MICU1: variants seen among roughly 807,000 people sequenced by gnomAD.
MICU1 encodes the protein mitochondrial calcium uptake 1.
In MICU1, 45 loss-of-function variants were observed where a neutral mutation model predicts 56.8. That is an observed-to-expected ratio of 0.79 (90% confidence interval 0.62 to 1.02). MICU1 has a LOEUF of 1.02. Among genes scored for constraint, MICU1 ranks in the 50% least tolerant of loss-of-function variants. MICU1 has a pLI of 0.00. For missense variants in MICU1, 504 were observed against 587.1 expected (o/e 0.86, Z 1.46); for synonymous variants, 186 against 195.1 (o/e 0.95, Z 0.39).
At chr10:72,539,624 A>C (rs1426510733) in intron 4 of MICU1, among the ~76,000 whole-genome samples, 1 of 152,126 alleles carries the variant, frequency 6.6e-6, no homozygotes, top group African/African-American at 2.4e-5. Flanking sequence ...TAAACACTAC[A>C]CTGAAAAAGA....
chr10:72,506,519 T>A (rs1237134355), intron 6 of MICU1, among the ~76,000 whole-genome samples: 4 of 152,220 alleles, frequency 2.6e-5, no homozygotes, highest in Admixed American at 2.6e-4. Context: ...CCCACCAATT[T>A]GGGTCATTTT....
chr10:72,455,738 C>T (rs1049257850), intron 8 of MICU1, among the ~76,000 whole-genome samples: 27 of 152,036 alleles, frequency 1.8e-4, no homozygotes, highest in African/African-American at 6.3e-4. Flanking sequence ...ACATTTAAAA[C>T]GTCCAATACT....
Position 72,377,917 on chromosome 10 carries a change from C to T in MICU1, c.1181-2045G>A, listed in dbSNP as rs140480579. On this transcript the variant is annotated intron_variant, in intron 10 of 11. Coordinates refer to ENST00000361114, the MANE Select transcript of MICU1 (RefSeq NM_001195518.2). ...ATCACCTCCATATATTTACCCGATA[C>T]GGTTTAGATTTGTGCCCCCACCCAA... 3.9e-3 allele frequency among the ~76,000 whole-genome samples: 598 copies of T among 152,248 alleles called. 2 individuals are homozygous for T. The highest frequency in any genetic ancestry group is 0.014 in the African/African-American group (562 of 41,534).
chr10:72,535,039 A>ATTTTATTTTATTTTTTTTAT (rs367546666), intron 4 of MICU1, among the ~76,000 whole-genome samples: 1 of 123,112 alleles, frequency 8.1e-6, no homozygotes, highest in Non-Finnish European at 1.6e-5. Context: ...TATTTTATTT[A>ATTTTATTTTATTTTTTTTAT]TTTATTTTGA....
Position 72,569,220 on chromosome 10 carries a change from TATATATATATATATATA to T in MICU1, c.-1-2443_-1-2427del, listed in dbSNP as rs1564939673. Among the ~76,000 whole-genome samples, 21 of 40,980 alleles carry T rather than the reference TATATATATATATATATA, an allele frequency of 5.1e-4. 1 individual carries two copies. The South Asian group carries it at 0.014, about 27-fold the overall frequency. The allele number at this position is 40,980 out of a possible 152,430, so 26.9% of individuals were successfully genotyped here. On this transcript the variant is annotated intron_variant, in intron 1 of 11. Coordinates refer to ENST00000361114, the MANE Select transcript of MICU1 (RefSeq NM_001195518.2). ...TCATATATATGCATATATATATATA[TATATATATATATATATA>T]TTTTTTTTTTTTTTTGAGATGGCGT...
At chr10:72,488,153 A>G (rs1402026987) in intron 6 of MICU1, among the ~76,000 whole-genome samples, 1 of 151,060 alleles carries the variant, frequency 6.6e-6, no homozygotes, top group East Asian at 1.9e-4. Flanking sequence ...AGATTGCACC[A>G]TTGCACTCCA....
chr10:72,426,694 G>A (rs1250262396), intron 8 of MICU1, among the ~76,000 whole-genome samples: 6 of 152,112 alleles, frequency 3.9e-5, no homozygotes, highest in Non-Finnish European at 5.9e-5. Context: ...CACAGCACCC[G>A]GCCTGAATTT....
chr10:72,623,022 A>C (rs1054582330), intron 1 of MICU1, among the ~76,000 whole-genome samples: 5 of 152,118 alleles, frequency 3.3e-5, no homozygotes, highest in Admixed American at 2.0e-4. Flanking sequence ...TAATCCCAGC[A>C]ATTTGGGAGG....
chr10:72,616,244 A>G (rs1165717464), intron 1 of MICU1, among the ~76,000 whole-genome samples: 2 of 152,006 alleles, frequency 1.3e-5, no homozygotes, highest in Admixed American at 6.6e-5. Flanking sequence ...TTGTATTCCT[A>G]TAATTATTTT....
At chr10:72,512,107 G>GTTTTTTTTTT (rs869183579) in intron 5 of MICU1, among the ~76,000 whole-genome samples, 7 of 29,524 alleles carry the variant, frequency 2.4e-4, no homozygotes, top group African/African-American at 6.5e-4. Context: ...GTTGTTTTTT[G>GTTTTTTTTTT]TTTTTTTTTT....
intron 6 of MICU1, among the ~76,000 whole-genome samples, chr10:72,479,903 G>A (rs1234040309): frequency 2.0e-5 from 3 of 152,034 alleles, no homozygotes; most frequent in African/African-American, 7.3e-5. Flanking sequence ...TCCTTATTTT[G>A]TCACACTTGG....
chr10:72,461,014 T>C (rs1865623651), intron 8 of MICU1, among the ~76,000 whole-genome samples: 1 of 152,146 alleles, frequency 6.6e-6, no homozygotes, highest in South Asian at 2.1e-4. Context: ...ACCGTGGACA[T>C]CATTTTGTCC....
At chr10:72,475,979 C>G (rs1174142340) in intron 7 of MICU1, 4 of 439,354 alleles carry the variant, frequency 9.1e-6, no homozygotes, top group African/African-American at 8.1e-5. Context: ...ATAATCCCAG[C>G]ACTTTGGGAA....
chr10:72,499,110 C>T (rs1441569618), intron 6 of MICU1, among the ~76,000 whole-genome samples: 5 of 152,050 alleles, frequency 3.3e-5, no homozygotes, highest in Non-Finnish European at 7.4e-5. Flanking sequence ...ATTATAAAAT[C>T]GCCCTCAAGA....
intron 1 of MICU1, among the ~76,000 whole-genome samples, chr10:72,581,555 A>C (rs1236665210): frequency 1.3e-5 from 2 of 150,904 alleles, no homozygotes; most frequent in Admixed American, 6.6e-5. Flanking sequence ...TTGAACTTGG[A>C]AGGTGGAGGT....
Position 72,451,070 on chromosome 10 carries a change from A to G in MICU1, c.933+24030T>C, listed in dbSNP as rs561212739. 2.1e-4 allele frequency among the ~76,000 whole-genome samples: 27 copies of G among 130,184 alleles called. No individual in the cohort carries two copies. The East Asian group carries it at 5.5e-3, about 27-fold the overall frequency. The allele number at this position is 130,184 out of a possible 152,430, so 85.4% of individuals were successfully genotyped here. ...AGACAGAGTCTTGCTCTGTTGCCAG[A>G]CTGGAATACAGTGTCATGATCTCAG... On this transcript the variant is annotated intron_variant, in intron 8 of 11. Coordinates refer to ENST00000361114, the MANE Select transcript of MICU1 (RefSeq NM_001195518.2).
At chr10:72,506,771 G>C (rs1867265947) in intron 6 of MICU1, among the ~76,000 whole-genome samples, 1 of 152,144 alleles carries the variant, frequency 6.6e-6, no homozygotes, top group South Asian at 2.1e-4. Context: ...CAAATCACAA[G>C]CTAAGAAATG....
intron 6 of MICU1, among the ~76,000 whole-genome samples, chr10:72,485,277 T>TTTA (rs1462624724): frequency 1.3e-5 from 2 of 152,114 alleles, no homozygotes; most frequent in Non-Finnish European, 2.9e-5. Flanking sequence ...AGGGGCTTGC[T>TTTA]ATGTTGCCCG....
intron 1 of MICU1, among the ~76,000 whole-genome samples, chr10:72,589,785 A>AT (rs1243852883): frequency 6.6e-6 from 1 of 152,160 alleles, no homozygotes; most frequent in African/African-American, 2.4e-5. Flanking sequence ...GCAAAGATAG[A>AT]TTTTTTAATA....
Sources: allele counts gnomAD v4.1 joint callset (sites outside exome capture counted in the v4.1 genomes callset), GRCh38; gene constraint gnomAD v4.1.1; transcripts MANE v1.5; gene names NCBI Gene and HGNC (gene_info 2026-07-23, HGNC 2026-07-21).